Variants in PHACTR1 observed in about 807,000 individuals in gnomAD.
PHACTR1 encodes phosphatase and actin regulator 1.
A neutral mutation model predicts 69.2 loss-of-function variants in PHACTR1; 16 were observed. The ratio of observed to expected loss-of-function variants is 0.23; its 90% CI spans 0.16 to 0.35. The LOEUF is 0.35. PHACTR1 is among the 10% of genes least tolerant of loss of function. The pLI, the probability that PHACTR1 is intolerant of heterozygous loss-of-function variation, is 1.00. For synonymous variants in PHACTR1, 312 were observed against 284.5 expected (o/e 1.10, Z -0.97); for missense variants, 510 against 734.7 (o/e 0.69, Z 3.54).
At position 13,266,145 on chromosome 6, in the gene PHACTR1, A is replaced by G. The variant is rs566356283; in HGVS notation, c.1392-6715A>G. On this transcript the variant is annotated intron_variant, in intron 10 of 14. Transcript: ENST00000332995. ...GCCTCAGTGAACAGCATTCCCATCC[A>G]TCTAGTTGCATGAGTTAGAAAACCT... 2.2e-4 allele frequency among the ~76,000 whole-genome samples: 34 copies of G among 151,268 alleles called. No individual in the cohort carries two copies. The South Asian group carries it at 7.1e-3, about 32-fold the overall frequency.
chr6:12,927,607 T>C (rs1337996030), intron 4 of PHACTR1, among the ~76,000 whole-genome samples: 2 of 152,164 alleles, frequency 1.3e-5, no homozygotes, highest in East Asian at 3.9e-4. Context: ...AGGATTTGAA[T>C]CCAAGTCTGT....
intron 4 of PHACTR1, among the ~76,000 whole-genome samples, chr6:12,964,571 G>A (rs576370477): frequency 3.9e-5 from 6 of 152,246 alleles, no homozygotes; most frequent in African/African-American, 1.4e-4. Context: ...TTTGTTGAAC[G>A]AGAGGGTAGA....
chr6:13,005,420 C>T (rs1331723264), intron 4 of PHACTR1, among the ~76,000 whole-genome samples: 2 of 152,148 alleles, frequency 1.3e-5, no homozygotes, highest in Non-Finnish European at 2.9e-5. Context: ...TCTCTTTAGA[C>T]TCCTCTTAGC....
chr6:12,974,000 C>G (rs150719364), intron 4 of PHACTR1, among the ~76,000 whole-genome samples: 1 of 141,798 alleles, frequency 7.1e-6, no homozygotes, highest in African/African-American at 2.7e-5. Context: ...CAGCTCGCTG[C>G]AACCTCCACC....
chr6:12,767,983 T>C (rs1768859214), intron 4 of PHACTR1, among the ~76,000 whole-genome samples: 1 of 152,156 alleles, frequency 6.6e-6, no homozygotes. Flanking sequence ...AAGTGAGACC[T>C]GGCGCATTAG....
intron 4 of PHACTR1, among the ~76,000 whole-genome samples, chr6:12,812,749 G>T (rs1310645735): frequency 6.6e-6 from 1 of 152,142 alleles, no homozygotes; most frequent in East Asian, 1.9e-4. Context: ...CCTTGCTCGT[G>T]GTTTCCTGTG....
intron 7 of PHACTR1, among the ~76,000 whole-genome samples, chr6:13,201,173 A>G (rs1001520303): frequency 1.3e-5 from 2 of 152,098 alleles, no homozygotes; most frequent in African/African-American, 4.8e-5. Context: ...GACAGGGCTG[A>G]CCCAAATGGA....
chr6:12,982,063 T>G (rs1168633846), intron 4 of PHACTR1, among the ~76,000 whole-genome samples: 1 of 152,184 alleles, frequency 6.6e-6, no homozygotes, highest in Non-Finnish European at 1.5e-5. Context: ...ACTAATGACC[T>G]TTGAGAAGAG....
At chr6:13,008,183 C>T (rs1234889693) in intron 4 of PHACTR1, among the ~76,000 whole-genome samples, 2 of 152,134 alleles carry the variant, frequency 1.3e-5, no homozygotes, top group African/African-American at 4.8e-5. Flanking sequence ...AAAGCTAAAG[C>T]CAAAGGAACT....
At chr6:13,022,514 T>A (rs2127671118) in intron 4 of PHACTR1, among the ~76,000 whole-genome samples, 1 of 152,328 alleles carries the variant, frequency 6.6e-6, no homozygotes, top group African/African-American at 2.4e-5. Context: ...GATTTTAGTG[T>A]CTGTAAATAC....
chr6:13,186,176 A>G (rs1412387593), intron 7 of PHACTR1, among the ~76,000 whole-genome samples: 2 of 152,262 alleles, frequency 1.3e-5, no homozygotes, highest in African/African-American at 2.4e-5. Context: ...TTCGATGTCC[A>G]AAAATTGAAA....
At chr6:12,771,628 A>G (rs1769387025) in intron 4 of PHACTR1, among the ~76,000 whole-genome samples, 1 of 152,222 alleles carries the variant, frequency 6.6e-6, no homozygotes. Flanking sequence ...TTCCCACACC[A>G]GGGTCTGCCA....
chr6:12,841,030 CG>C (rs1227668788), intron 4 of PHACTR1, among the ~76,000 whole-genome samples: 1 of 152,198 alleles, frequency 6.6e-6, no homozygotes, highest in African/African-American at 2.4e-5. Context: ...CTCCGCAGGA[CG>C]GGGTCTCCTG....
At chr6:13,190,508 G>T (rs1262121426) in intron 7 of PHACTR1, among the ~76,000 whole-genome samples, 1 of 152,006 alleles carries the variant, frequency 6.6e-6, no homozygotes, top group Non-Finnish European at 1.5e-5. Context: ...ATGACTCAAG[G>T]ACAAAAATTA....
intron 4 of PHACTR1, among the ~76,000 whole-genome samples, chr6:12,853,969 A>G (rs549784432): frequency 6.6e-6 from 1 of 152,334 alleles, no homozygotes; most frequent in Non-Finnish European, 1.5e-5. Context: ...GGGCCTGAAT[A>G]TTCCTGACTG....
chr6:12,741,500 C>A (rs1765035933), intron 3 of PHACTR1, among the ~76,000 whole-genome samples: 1 of 152,078 alleles, frequency 6.6e-6, no homozygotes, highest in African/African-American at 2.4e-5. Flanking sequence ...TGTGTAACCA[C>A]AAACTATTTC....
chr6:12,842,475 T>C (rs930911713), intron 4 of PHACTR1, among the ~76,000 whole-genome samples: 1 of 152,384 alleles, frequency 6.6e-6, no homozygotes, highest in Admixed American at 6.5e-5. Context: ...ATTTATAATT[T>C]TGAAATTATT....
chr6:12,738,170 T>G (rs1470952829), intron 3 of PHACTR1, among the ~76,000 whole-genome samples: 1 of 152,210 alleles, frequency 6.6e-6, no homozygotes, highest in African/African-American at 2.4e-5. Context: ...CACTGGCATT[T>G]GTGAAAAATA....
At chr6:12,836,360 G>T (rs1456130078) in intron 4 of PHACTR1, among the ~76,000 whole-genome samples, 1 of 152,082 alleles carries the variant, frequency 6.6e-6, no homozygotes, top group Non-Finnish European at 1.5e-5. Context: ...TCTTTTGGTG[G>T]CACCGTTTGG....
Sources: gnomAD v4.1 joint callset for allele counts (sites outside exome capture counted in the v4.1 genomes callset) on GRCh38, gnomAD v4.1.1 for gene constraint, MANE v1.5 for transcripts, NCBI Gene and HGNC (gene_info 2026-07-23, HGNC 2026-07-21) for gene names.